Variants in LRRTM3 observed in about 807,000 individuals in gnomAD.
LRRTM3 encodes leucine rich repeat transmembrane neuronal 3, also known as leucine-rich repeat transmembrane neuronal protein 3.
A neutral mutation model predicts 44.7 loss-of-function variants in LRRTM3; 24 were observed. The observed-to-expected ratio is 0.54, with a 90% CI of 0.39 to 0.76. LRRTM3 has a LOEUF of 0.76. LRRTM3 is among the 30% of genes least tolerant of loss of function. LRRTM3 has a pLI of 0.00. For missense variants in LRRTM3, 587 were observed against 702.2 expected, an observed-to-expected ratio of 0.84 and a Z score of 1.85; for synonymous variants, 277 against 278.7, an observed-to-expected ratio of 0.99 and a Z score of 0.06.
chr10:67,043,479 T>C (rs889861090), intron 2 of LRRTM3, among the ~76,000 whole-genome samples: 1 of 152,168 alleles, frequency 6.6e-6, no homozygotes, highest in Non-Finnish European at 1.5e-5. Context: ...CTAAGCTGCA[T>C]GTCATTTAGC....
chr10:67,050,847 A>G (rs1855046805), intron 2 of LRRTM3, among the ~76,000 whole-genome samples: 1 of 152,226 alleles, frequency 6.6e-6, no homozygotes, highest in Admixed American at 6.5e-5. Context: ...GTTTCTTAAA[A>G]TATTTATGCA....
At chr10:67,023,933 T>A (rs1168104451) in intron 2 of LRRTM3, among the ~76,000 whole-genome samples, 4 of 152,214 alleles carry the variant, frequency 2.6e-5, no homozygotes, top group Non-Finnish European at 5.9e-5. Context: ...CTAGATAATT[T>A]CTAGGATTAT....
At chr10:67,000,856 G>T (rs1851645154) in intron 2 of LRRTM3, among the ~76,000 whole-genome samples, 1 of 152,114 alleles carries the variant, frequency 6.6e-6, no homozygotes, top group Non-Finnish European at 1.5e-5. Context: ...TTTAATTTTG[G>T]TATGTCTAGC....
intron 2 of LRRTM3, among the ~76,000 whole-genome samples, chr10:67,041,512 C>T (rs1422301986): frequency 6.6e-6 from 1 of 152,096 alleles, no homozygotes; most frequent in Non-Finnish European, 1.5e-5. Context: ...TCCTCTTTTT[C>T]TCCTTTCATG....
chr10:67,011,234 G>A (rs141701205), intron 2 of LRRTM3, among the ~76,000 whole-genome samples: 2,768 of 151,894 alleles, frequency 0.018, 85 homozygotes, highest in African/African-American at 0.062. Flanking sequence ...CCAGCTACTC[G>A]GGAGGCTGAG....
chr10:67,096,090 A>G (rs1156953669), intron 2 of LRRTM3, among the ~76,000 whole-genome samples: 1 of 151,840 alleles, frequency 6.6e-6, no homozygotes, highest in East Asian at 1.9e-4. Flanking sequence ...TTACTCTGGA[A>G]TTTTCATTTA....
intron 2 of LRRTM3, among the ~76,000 whole-genome samples, chr10:67,074,205 G>A (rs1006712421): frequency 6.6e-6 from 1 of 151,022 alleles, no homozygotes; most frequent in African/African-American, 2.4e-5. Context: ...GCTAATTTTT[G>A]TACTTTTAAT....
Position 67,068,819 on chromosome 10 carries a change from G to A in LRRTM3, c.1537-28768G>A, listed in dbSNP as rs145674822. On this transcript the variant is annotated intron_variant, in intron 2 of 2. Transcript: ENST00000361320. ...TTACGCCTGTAATCCCAGCACTTTG[G>A]GAGGCTGAGGCAGGAAGATCACCTG... Among the ~76,000 whole-genome samples, 526 of 152,292 alleles carry A rather than the reference G, an allele frequency of 3.5e-3. 2 individuals carry two copies. The highest frequency in any genetic ancestry group is 4.7e-3 in the Non-Finnish European group (320 of 68,026).
chr10:66,996,894 G>C (rs1018058870), intron 2 of LRRTM3, among the ~76,000 whole-genome samples: 2 of 152,066 alleles, frequency 1.3e-5, no homozygotes, highest in Non-Finnish European at 2.9e-5. Context: ...TTATCCACCT[G>C]TTGACAGTCT....
intron 2 of LRRTM3, among the ~76,000 whole-genome samples, chr10:67,084,591 T>C (rs1857207531): frequency 6.6e-6 from 1 of 151,972 alleles, no homozygotes; most frequent in African/African-American, 2.4e-5. Flanking sequence ...TCCTTAACCA[T>C]ATATTTTTAC....
intron 2 of LRRTM3, among the ~76,000 whole-genome samples, chr10:66,938,041 T>A (rs900086861): frequency 1.3e-5 from 2 of 152,194 alleles, no homozygotes; most frequent in Non-Finnish European, 2.9e-5. Context: ...GCATGATAGA[T>A]GTTGTTGAAT....
At chr10:66,936,140 C>A (rs1232091873) in intron 2 of LRRTM3, among the ~76,000 whole-genome samples, 1 of 152,048 alleles carries the variant, frequency 6.6e-6, no homozygotes, top group Non-Finnish European at 1.5e-5. Context: ...ATGTAAAAAT[C>A]TACATATATT....
chr10:66,929,120 TGAG>T (rs894287313), intron 2 of LRRTM3, among the ~76,000 whole-genome samples: 13 of 152,156 alleles, frequency 8.5e-5, no homozygotes, highest in African/African-American at 2.9e-4. Context: ...CTGCAAAATG[TGAG>T]GAGATGACAA....
At chr10:66,950,053 C>G (rs1249769267) in intron 2 of LRRTM3, among the ~76,000 whole-genome samples, 9 of 152,262 alleles carry the variant, frequency 5.9e-5, no homozygotes, top group African/African-American at 2.2e-4. Flanking sequence ...TACCAATATG[C>G]TCCAACAAAA....
intron 2 of LRRTM3, among the ~76,000 whole-genome samples, chr10:67,049,350 C>T (rs1210411094): frequency 6.6e-6 from 1 of 152,074 alleles, no homozygotes; most frequent in East Asian, 1.9e-4. Flanking sequence ...CATTAAATTT[C>T]AAATCCCATT....
intron 2 of LRRTM3, among the ~76,000 whole-genome samples, chr10:67,076,517 T>A (rs1392295905): frequency 6.6e-6 from 1 of 152,244 alleles, no homozygotes; most frequent in Non-Finnish European, 1.5e-5. Flanking sequence ...CAAGCCCTTC[T>A]TCTTATAAAG....
chr10:67,014,028 A>G (rs1040375552), intron 2 of LRRTM3, among the ~76,000 whole-genome samples: 1 of 152,002 alleles, frequency 6.6e-6, no homozygotes, highest in African/African-American at 2.4e-5. Flanking sequence ...GTGATGAAGG[A>G]CAGAGACAAA....
intron 2 of LRRTM3, among the ~76,000 whole-genome samples, chr10:66,991,253 A>C (rs1222537048): frequency 6.6e-6 from 1 of 152,188 alleles, no homozygotes; most frequent in East Asian, 1.9e-4. Flanking sequence ...ATTTGAGGGA[A>C]GTTATTTAAA....
intron 2 of LRRTM3, among the ~76,000 whole-genome samples, chr10:66,953,157 C>A (rs879643434): frequency 3.9e-5 from 6 of 152,158 alleles, no homozygotes; most frequent in Admixed American, 3.9e-4. Context: ...CCCAGTTGAG[C>A]CTCGCTGATG....
Sources: allele counts gnomAD v4.1 joint callset (sites outside exome capture counted in the v4.1 genomes callset), GRCh38; gene constraint gnomAD v4.1.1; transcripts MANE v1.5; gene names NCBI Gene and HGNC (gene_info 2026-07-23, HGNC 2026-07-21).